C4orf51: variants seen among roughly 807,000 people sequenced by gnomAD.
C4orf51 encodes chromosome 4 open reading frame 51.
A neutral mutation model predicts 25.2 loss-of-function variants in C4orf51; 25 were observed. The ratio of observed to expected loss-of-function variants is 0.99; its 90% confidence interval spans 0.72 to 1.39. The LOEUF is 1.39. C4orf51 is among the 40% of genes most tolerant of loss of function. C4orf51 has a pLI of 0.00. For synonymous variants in C4orf51, 100 were observed against 84.5 expected, an observed-to-expected ratio of 1.18 and a Z score of -1.01; for missense variants, 252 against 239.6, an observed-to-expected ratio of 1.05 and a Z score of -0.34.
downstream of C4orf51, among the ~76,000 whole-genome samples, chr4:145,733,330 A>C (rs1323724625): frequency 1.3e-5 from 2 of 149,784 alleles, no homozygotes; most frequent in African/African-American, 4.9e-5. Context: ...ATTCCCCCCC[A>C]CCACCGCCCG....
chr4:145,755,317 C>G (rs767933968), downstream of C4orf51, among the ~76,000 whole-genome samples: 1 of 152,020 alleles, frequency 6.6e-6, no homozygotes, highest in Non-Finnish European at 1.5e-5. Flanking sequence ...CAAATTTTCT[C>G]ACTATACAGG....
rs372969800 is a variant in C4orf51 at position 145,697,222 on chromosome 4, C to T, written c.307+590C>T. On this transcript the variant is annotated intron_variant, in intron 2 of 5. Coordinates refer to ENST00000438731, the MANE Select transcript of C4orf51 (RefSeq NM_001080531.3). Reference sequence around the variant, plus strand: ...TCAAGCGATTTTCATGCCTCAGCCTCCCAAGTAGCTGGGATTACAGGCACC... The same window carrying T: ...TCAAGCGATTTTCATGCCTCAGCCTTCCAAGTAGCTGGGATTACAGGCACC... 2.0e-5 allele frequency among the ~76,000 whole-genome samples: 3 copies of T among 151,688 alleles called. No homozygotes were observed. In the East Asian group the frequency reaches 5.9e-4, roughly 30 times the overall value.
intron 2 of C4orf51, among the ~76,000 whole-genome samples, chr4:145,724,368 T>A (rs1453383232): frequency 1.3e-5 from 2 of 152,188 alleles, no homozygotes; most frequent in Non-Finnish European, 2.9e-5. Flanking sequence ...AAGTAATTGT[T>A]AAGCTCTTTG....
chr4:145,711,510 T>A (rs1731127142), intron 2 of C4orf51, among the ~76,000 whole-genome samples: 2 of 152,148 alleles, frequency 1.3e-5, no homozygotes, highest in South Asian at 4.1e-4. Flanking sequence ...CTTCTGGTAC[T>A]TTCTTTCTCT....
chr4:145,721,684 C>A lies in C4orf51; in HGVS notation c.308-5227C>A, dbSNP rs189583457. Among the ~76,000 whole-genome samples the A allele has an allele frequency of 9.8e-5, 15 of 152,302 alleles. No homozygotes were observed. In the East Asian group the frequency reaches 1.7e-3, roughly 18 times the overall value. ...GCACAAGGGAACATTGGCAGCCAAG[C>A]CTGTTATTAAGAAGGTCACAAGATG... is the stretch of plus-strand genomic sequence containing the variant. On this transcript the variant is annotated intron_variant, in intron 2 of 5. Transcript: ENST00000438731.
In C4orf51 at chr4:145,696,520, A is replaced by G. The variant is rs367855686; in HGVS notation, c.234-39A>G. On this transcript the variant is annotated intron_variant, in intron 1 of 5. Transcript: ENST00000438731. ...CAGGCTTCATGTGATTTATAAATCCATAAATTTGTAACTTGTTTCTTCTAC... is the reference window on the plus strand; with the variant it reads ...CAGGCTTCATGTGATTTATAAATCCGTAAATTTGTAACTTGTTTCTTCTAC... 13 of 1,512,674 alleles carry G rather than the reference A, an allele frequency of 8.6e-6. No homozygotes were observed. In the African/African-American group the frequency reaches 1.2e-4, roughly 14 times the overall value. The allele number at this position is 1,512,674 out of a possible 1,614,324, so 93.7% of individuals were successfully genotyped here.
In C4orf51 at chr4:145,762,242, C is replaced by A. The variant is rs1195417974; in HGVS notation, n.167-8746C>A. On this transcript the variant is annotated intron_variant and non_coding_transcript_variant, in intron 1 of 1. Transcript: ENST00000510096. This position sits in a 1 kb window ranked among gnomAD's most constrained non-coding sequence, Gnocchi z 4.9. ...TCGTAAAACATATCTCCCTACAGGA[C>A]TAGCTCTTTGTCAGGAAAGGAAGCT... is the stretch of plus-strand genomic sequence containing the variant. Among the ~76,000 whole-genome samples the A allele has an allele frequency of 1.3e-5, 2 of 152,088 alleles. No homozygotes were observed. The highest frequency in any genetic ancestry group is 2.9e-5 in the Non-Finnish European group (2 of 68,018).
At chr4:145,716,156 C>T (rs1731399618) in intron 2 of C4orf51, among the ~76,000 whole-genome samples, 1 of 152,132 alleles carries the variant, frequency 6.6e-6, no homozygotes, top group African/African-American at 2.4e-5. Flanking sequence ...TTCCAAATTC[C>T]AGTTGCTTAA....
chr4:145,720,815 G>A (rs571206846), intron 2 of C4orf51, among the ~76,000 whole-genome samples: 1 of 152,238 alleles, frequency 6.6e-6, no homozygotes, highest in East Asian at 1.9e-4. Context: ...AGACAGGCAG[G>A]CTGCTCCCTC....
chr4:145,771,449 G>C (rs1736264910), downstream of C4orf51, among the ~76,000 whole-genome samples: 1 of 152,172 alleles, frequency 6.6e-6, no homozygotes, highest in Non-Finnish European at 1.5e-5. Flanking sequence ...GGTATTGATA[G>C]TTGTATTTTC....
chr4:145,761,844 G>A lies in C4orf51; in HGVS notation n.167-9144G>A, dbSNP rs1734555633. Among the ~76,000 whole-genome samples the A allele has an allele frequency of 6.6e-6, 1 of 152,182 alleles. No homozygotes were observed. Among genetic ancestry groups the A allele is most frequent in the African/African-American group, 2.4e-5 (1 of 41,442 alleles). Reference sequence around the variant, plus strand: ...CGCTCAGCCTATTCTGGGTCTCTTGGCCGATACAGGCAAGGCCAGCCCTCA... The same window carrying A: ...CGCTCAGCCTATTCTGGGTCTCTTGACCGATACAGGCAAGGCCAGCCCTCA... On this transcript the variant is annotated intron_variant and non_coding_transcript_variant, in intron 1 of 1. Coordinates refer to the C4orf51 transcript ENST00000510096. The surrounding 1 kb of genome is among the most constrained non-coding windows in gnomAD (Gnocchi z 6.8).
chr4:145,748,862 C>A (rs971307642), intron 1 of C4orf51, among the ~76,000 whole-genome samples: 1 of 151,918 alleles, frequency 6.6e-6, no homozygotes, highest in African/African-American at 2.4e-5. Context: ...ATATAATGTT[C>A]TATAAATATC....
At chr4:145,717,226 T>A (rs4073795) in intron 2 of C4orf51, among the ~76,000 whole-genome samples, 32,530 of 152,116 alleles carry the variant, frequency 0.21, 3,661 homozygotes, top group Middle Eastern at 0.29. Flanking sequence ...AGCAATAATC[T>A]GCTACTCTAC....
At chr4:145,683,777 C>T (rs9308193) in intron 1 of C4orf51, among the ~76,000 whole-genome samples, 19,092 of 152,034 alleles carry the variant, frequency 0.13, 1,988 homozygotes, top group African/African-American at 0.28. Context: ...ATGTAAAATG[C>T]AAAACTATAA....
intron 2 of C4orf51, among the ~76,000 whole-genome samples, chr4:145,701,235 T>TAAAA (rs778319650): frequency 6.7e-5 from 10 of 148,992 alleles, no homozygotes; most frequent in Non-Finnish European, 1.2e-4. Context: ...TGTACAATAA[T>TAAAA]AAAAAAAAAA....
At chr4:145,768,858 CAA>C (rs1174930111) in intron 1 of C4orf51, among the ~76,000 whole-genome samples, 2 of 4,532 alleles carry the variant, frequency 4.4e-4, no homozygotes, top group Non-Finnish European at 9.2e-4. Flanking sequence ...GACTCCGTCT[CAA>C]AAAAAAAAAA....
intron 2 of C4orf51, among the ~76,000 whole-genome samples, chr4:145,715,081 T>C (rs1310060159): frequency 6.6e-6 from 1 of 152,208 alleles, no homozygotes; most frequent in East Asian, 1.9e-4. Flanking sequence ...TTGTACTTGC[T>C]GTCTCCAGGG....
At chr4:145,746,045 G>T (rs748759757) in intron 1 of C4orf51, among the ~76,000 whole-genome samples, 5 of 152,054 alleles carry the variant, frequency 3.3e-5, no homozygotes, top group African/African-American at 4.8e-5. Flanking sequence ...CAAATCTTTT[G>T]CCCATTTTAA....
At position 145,702,862 on chromosome 4, in the gene C4orf51, A is replaced by G. The variant is rs1342060534; in HGVS notation, c.307+6230A>G. On this transcript the variant is annotated intron_variant, in intron 2 of 5. Transcript: ENST00000438731. The stretch of plus-strand genomic sequence containing the variant: ...TTTCTTCTAACATCCCCACAATATC[A>G]CCCCTTACCACAAGACCTCCCTTCA... Among the ~76,000 whole-genome samples, 7 of 128,632 alleles carry G rather than the reference A, an allele frequency of 5.4e-5. No homozygotes were observed. The East Asian group carries it at 1.4e-3, about 26-fold the overall frequency. The allele number at this position is 128,632 out of a possible 152,430, so 84.4% of individuals were successfully genotyped here.
Sources: gnomAD v4.1 joint callset for allele counts (sites outside exome capture counted in the v4.1 genomes callset) on GRCh38, gnomAD v4.1.1 for gene constraint, Gnocchi (gnomAD v3.1) non-coding constraint, MANE v1.5 for transcripts, NCBI Gene and HGNC (gene_info 2026-07-23, HGNC 2026-07-21) for gene names.